The following TEKT5 variants were observed in gnomAD, a reference collection of about 807,000 sequenced individuals.
TEKT5 encodes the protein tektin-5.
A neutral mutation model predicts 48.7 loss-of-function variants in TEKT5; 52 were observed. That is an observed-to-expected ratio of 1.07 (90% CI 0.86 to 1.35). The LOEUF is 1.35. TEKT5 is among the 40% of genes most tolerant of loss of function. The pLI is 0.00. For missense variants in TEKT5, 831 were observed against 641.6 expected (o/e 1.30, Z -3.19); for synonymous variants, 318 against 267.6 (o/e 1.19, Z -1.84).
intron 6 of TEKT5, among the ~76,000 whole-genome samples, chr16:10,632,663 AG>A (rs377409385): frequency 9.2e-5 from 14 of 152,020 alleles, no homozygotes; most frequent in African/African-American, 2.9e-4. Flanking sequence ...TAGTGATTGG[AG>A]TAGGTCAGGA....
chr16:10,691,612 A>G (rs1410319260), intron 1 of TEKT5, among the ~76,000 whole-genome samples: 3 of 152,122 alleles, frequency 2.0e-5, no homozygotes, highest in African/African-American at 7.2e-5. Flanking sequence ...TAGCGGGGAC[A>G]GGGGTTATGG....
chr16:10,650,389 C>A (rs1391067289), intron 5 of TEKT5, among the ~76,000 whole-genome samples: 1 of 152,166 alleles, frequency 6.6e-6, no homozygotes, highest in East Asian at 2.0e-4. Context: ...GGGTGAGCCA[C>A]TGTGCCCGGT....
chr16:10,648,324 A>AT (rs200012329), intron 5 of TEKT5, among the ~76,000 whole-genome samples: 3,821 of 147,804 alleles, frequency 0.026, 116 homozygotes, highest in African/African-American at 0.069. Flanking sequence ...TTTATTTATC[A>AT]TTTTTTTTTT....
At chr16:10,673,074 T>C (rs928594355) in intron 5 of TEKT5, among the ~76,000 whole-genome samples, 3 of 152,180 alleles carry the variant, frequency 2.0e-5, no homozygotes, top group South Asian at 2.1e-4. Context: ...GGATTCATCA[T>C]AACCATGCAG....
chr16:10,660,150 G>C (rs1398257799), intron 5 of TEKT5, among the ~76,000 whole-genome samples: 1 of 152,168 alleles, frequency 6.6e-6, no homozygotes, highest in Non-Finnish European at 1.5e-5. Context: ...TCTCCAGTAT[G>C]GGATCCAATT....
intron 5 of TEKT5, among the ~76,000 whole-genome samples, chr16:10,662,989 C>T (rs2142288467): frequency 6.6e-6 from 1 of 152,276 alleles, no homozygotes; most frequent in Non-Finnish European, 1.5e-5. Flanking sequence ...TTATGATCAC[C>T]CACTCTCACC....
intron 5 of TEKT5, among the ~76,000 whole-genome samples, chr16:10,655,931 T>C (rs569897221): frequency 7.0e-4 from 106 of 152,338 alleles, no homozygotes; most frequent in Middle Eastern, 3.4e-3. Flanking sequence ...CTGGTGTTAT[T>C]TGGGGTCTTC....
intron 5 of TEKT5, among the ~76,000 whole-genome samples, chr16:10,648,860 T>C (rs1298125854): frequency 6.6e-6 from 1 of 152,238 alleles, no homozygotes; most frequent in Non-Finnish European, 1.5e-5. Context: ...CTGCTTCCCT[T>C]ATATTTATTT....
At chr16:10,630,161 CG>C (rs1357756120) in intron 6 of TEKT5, among the ~76,000 whole-genome samples, 1 of 151,902 alleles carries the variant, frequency 6.6e-6, no homozygotes, top group Non-Finnish European at 1.5e-5. Context: ...CTCAAACTCC[CG>C]GGCTCAAGCA....
In TEKT5 at chr16:10,675,072, C is replaced by T. The variant is rs569518336; in HGVS notation, c.1086+887G>A. Among the ~76,000 whole-genome samples the T allele has an allele frequency of 5.3e-5, 8 of 152,192 alleles. No individual in the cohort carries two copies. In the East Asian group the frequency reaches 9.7e-4, roughly 18 times the overall value. On this transcript the variant is annotated intron_variant, in intron 5 of 6. Transcript: ENST00000283025. ...AATTCCTGGCCTCAAATGATCTGCC[C>T]GCCTCAGCCTCCCAAAGTGCTGGGA... is the stretch of plus-strand genomic sequence containing the variant.
chr16:10,677,145 C>T lies in TEKT5; in HGVS notation c.864-964G>A, dbSNP rs571255758. 1.5e-3 allele frequency among the ~76,000 whole-genome samples: 230 copies of T among 152,218 alleles called. 1 individual carries two copies. Among genetic ancestry groups the T allele is most frequent in the African/African-American group, 5.4e-3 (226 of 41,538 alleles). On this transcript the variant is annotated intron_variant, in intron 4 of 6. Coordinates refer to ENST00000283025, the MANE Select transcript of TEKT5 (RefSeq NM_144674.2). ...GTCCGGGACTGCAGTGAGCCATGATCGCACCACTGCACTCCAGCCTGGGCA... is the reference window on the plus strand; with the variant it reads ...GTCCGGGACTGCAGTGAGCCATGATTGCACCACTGCACTCCAGCCTGGGCA...
At chr16:10,663,453 T>C (rs1411523085) in intron 5 of TEKT5, among the ~76,000 whole-genome samples, 1 of 152,236 alleles carries the variant, frequency 6.6e-6, no homozygotes, top group African/African-American at 2.4e-5. Flanking sequence ...AGGAGATGCT[T>C]GGCTCAGTGC....
At chr16:10,654,887 T>C (rs979610894) in intron 5 of TEKT5, among the ~76,000 whole-genome samples, 2 of 150,034 alleles carry the variant, frequency 1.3e-5, no homozygotes, top group African/African-American at 4.9e-5. Context: ...AAATTGCTTA[T>C]TCCAGTGTCT....
At chr16:10,642,225 C>T (rs1291642541) in intron 5 of TEKT5, among the ~76,000 whole-genome samples, 2 of 152,190 alleles carry the variant, frequency 1.3e-5, no homozygotes, top group East Asian at 3.8e-4. Context: ...GATAACCTAG[C>T]GATAAGCAGA....
chr16:10,694,548 C>T lies in TEKT5; in HGVS notation c.326G>A (p.Arg109Gln), dbSNP rs138706108. The change falls in exon 1 of 7, where the codon CGG (arginine) becomes CAG (glutamine). Residue 109 changes from arginine (R) to glutamine (Q), a missense_variant. By Grantham distance (43) the Arg-to-Gln change is conservative. Transcript: ENST00000283025. ...QLQVRGAEASRLWASRLTDDS... is the reference protein window; with the variant it reads ...QLQVRGAEASQLWASRLTDDS... ...ATCCGTCAGCCGGCTGGCCCACAGC[C>T]GGGAGGCCTCGGCCCCACGCACCTG... 2,331 of 1,604,302 alleles carry T rather than the reference C, an allele frequency of 1.5e-3. 30 individuals are homozygous for T. In the East Asian group the frequency reaches 0.015, roughly 10 times the overall value.
intron 5 of TEKT5, among the ~76,000 whole-genome samples, chr16:10,655,459 G>C (rs954382198): frequency 1.3e-5 from 2 of 152,098 alleles, no homozygotes; most frequent in East Asian, 1.9e-4. Flanking sequence ...TGCCATATAG[G>C]ATTATTGTGA....
intron 5 of TEKT5, among the ~76,000 whole-genome samples, chr16:10,667,843 C>G (rs950726704): frequency 2.6e-5 from 4 of 151,696 alleles, no homozygotes; most frequent in Admixed American, 2.6e-4. Flanking sequence ...ATAGAGGGTA[C>G]CATAACAATA....
At chr16:10,687,728 G>A (rs1433209583) in intron 3 of TEKT5, among the ~76,000 whole-genome samples, 25 of 152,224 alleles carry the variant, frequency 1.6e-4, no homozygotes, top group Non-Finnish European at 3.7e-4. Flanking sequence ...ACTCCAGTCT[G>A]GGCAGCAGAA....
intron 4 of TEKT5, among the ~76,000 whole-genome samples, chr16:10,676,748 T>C (rs1168660261): frequency 6.6e-6 from 1 of 152,200 alleles, no homozygotes; most frequent in East Asian, 1.9e-4. Context: ...TTCTACGACA[T>C]GCCAAGCATT....
Sources: allele counts gnomAD v4.1 joint callset (sites outside exome capture counted in the v4.1 genomes callset), GRCh38; gene constraint gnomAD v4.1.1; transcripts MANE v1.5; gene names NCBI Gene and HGNC (gene_info 2026-07-23, HGNC 2026-07-21).